Variants in SMG5 observed in about 807,000 individuals in gnomAD.
The protein encoded by SMG5 is nonsense-mediated mRNA decay factor SMG5.
A neutral mutation model predicts 122.9 loss-of-function variants in SMG5; 53 were observed. The ratio of observed to expected loss-of-function variants is 0.43; its 90% confidence interval spans 0.35 to 0.54. The LOEUF (loss-of-function observed/expected upper bound fraction) is 0.54. Among genes scored for constraint, SMG5 ranks in the 20% least tolerant of loss-of-function variants. The pLI is 0.01. For missense variants in SMG5, 1,153 were observed against 1,285.6 expected, an observed-to-expected ratio of 0.90 and a Z score of 1.58; for synonymous variants, 477 against 490.2, an observed-to-expected ratio of 0.97 and a Z score of 0.35.
upstream of SMG5, chr1:156,284,235 G>C (rs1297902280): frequency 6.6e-6 from 1 of 152,218 alleles, no homozygotes; most frequent in South Asian, 2.1e-4. Context: ...TCAGCAGGGC[G>C]GGGCCTGCCC....
chr1:156,273,538 G>GT, intron 5 of SMG5, 88 bp from the exon 6 acceptor site: 1 of 1,261,662 alleles, frequency 7.9e-7, no homozygotes, highest in Non-Finnish European at 1.1e-6. Flanking sequence ...TCTGAGAGTG[G>GT]TAACAAGAGC....
rs1414547813 is a variant in SMG5, at chr1:156,277,259, G to T, written c.298-18C>A. On this transcript the variant is annotated intron_variant, in intron 3 of 21. Coordinates refer to ENST00000361813, the MANE Select transcript of SMG5 (RefSeq NM_015327.3). Reference sequence around the variant, plus strand: ...TGGATGTGCTACAGATTGCGAAAGGGAAGGGGCTGGTTAAGCAATAAACTC... The same window carrying T: ...TGGATGTGCTACAGATTGCGAAAGGTAAGGGGCTGGTTAAGCAATAAACTC... The T allele has an allele frequency of 1.2e-6, 2 of 1,609,732 alleles. No homozygotes were observed. Among genetic ancestry groups the T allele is most frequent in the Non-Finnish European group, 1.7e-6 (2 of 1,178,424 alleles).
In SMG5 at chr1:156,263,579, T is replaced by G. The variant is rs1572581963; in HGVS notation, c.1856-9A>C. 6.2e-7 allele frequency: 1 copy of G among 1,609,728 alleles called. No individual in the cohort carries two copies. Among genetic ancestry groups the G allele is most frequent in the Non-Finnish European group, 8.5e-7 (1 of 1,177,482 alleles). On this transcript the variant is annotated splice_polypyrimidine_tract_variant and intron_variant, in intron 12 of 21. Transcript: ENST00000361813. ...AGAGCCCTCCTCAGAGGCTGGGGGG[T>G]GGGTGAATGGAAGAGAAAAAAACTG...
chr1:156,274,741 T>C, intron 4 of SMG5, 55 bp from the exon 5 acceptor site: 1 of 1,403,492 alleles, frequency 7.1e-7, no homozygotes, highest in Non-Finnish European at 1.0e-6. Flanking sequence ...TTCCCGCACC[T>C]ATGAAGAAAT....
chr1:156,289,337 G>C, the SMG5 span, among the ~76,000 whole-genome samples: 2 of 152,168 alleles, frequency 1.3e-5, no homozygotes, highest in African/African-American at 2.4e-5. Context: ...AGCCGGGTGT[G>C]GTGATGGGCG....
At chr1:156,255,165 T>C (rs1478194490) in intron 16 of SMG5, among the ~76,000 whole-genome samples, 1 of 151,574 alleles carries the variant, frequency 6.6e-6, no homozygotes, top group Admixed American at 6.6e-5. Flanking sequence ...TTCACGCCTG[T>C]AATCCCAGCA....
chr1:156,254,793 T>TA (rs1219872007), intron 16 of SMG5, among the ~76,000 whole-genome samples: 1 of 152,034 alleles, frequency 6.6e-6, no homozygotes, highest in Non-Finnish European at 1.5e-5. Context: ...AGTGGTGCTT[T>TA]AAAATATTAA....
At chr1:156,252,576 A>C (rs1661399207) in intron 18 of SMG5, 72 bp from the exon 19 acceptor site, 1 of 1,479,774 alleles carries the variant, frequency 6.8e-7, no homozygotes, top group African/African-American at 1.4e-5. Flanking sequence ...TGGAGGAAGT[A>C]TCTGAGCTCA....
chr1:156,258,929 G>A, intron 16 of SMG5, 76 bp downstream of exon 16: 5 of 1,572,538 alleles, frequency 3.2e-6, no homozygotes, highest in Non-Finnish European at 4.3e-6. Flanking sequence ...CCACCAGAGG[G>A]TCTGAGCCTC....
chr1:156,280,832 A>C (rs1662902623), intron 1 of SMG5, among the ~76,000 whole-genome samples: 2 of 152,202 alleles, frequency 1.3e-5, no homozygotes, highest in South Asian at 4.1e-4. Flanking sequence ...TACAAAATCT[A>C]GCCGTGTGTT....
chr1:156,265,966 C>T lies in SMG5; in HGVS notation c.1670G>A (p.Gly557Asp), dbSNP rs1220797165. ...EAPDSLNGPL[G>D]PSEASIASNL... ...GCTGGCAATGCTAGCCTCACTGGGGCCCAGTGGGCCATTGAGGGAATCGGG... is the reference window on the plus strand; with the variant it reads ...GCTGGCAATGCTAGCCTCACTGGGGTCCAGTGGGCCATTGAGGGAATCGGG... The change falls in exon 12 of 22, where the codon GGC becomes GAC. Residue 557 changes from glycine (G) to aspartate (D), a missense_variant. By Grantham distance (94) the Gly-to-Asp change is moderately conservative. This residue lies in a region of SMG5 where 631 missense variants were observed against 650.6 expected (regional missense o/e 0.97). Transcript: ENST00000361813. 1.2e-6 allele frequency: 2 copies of T among 1,614,176 alleles called. No individual in the cohort carries two copies. The highest frequency in any genetic ancestry group is 1.7e-5 in the Admixed American group (1 of 60,022).
intron 4 of SMG5, among the ~76,000 whole-genome samples, chr1:156,276,217 GCCGGGTTC>G: frequency 6.7e-6 from 1 of 149,164 alleles, no homozygotes; most frequent in South Asian, 2.1e-4. Context: ...ACCTCCACCT[GCCGGGTTC>G]AGGCGATTCT....
At chr1:156,289,845 A>T in the SMG5 span, among the ~76,000 whole-genome samples, 1 of 152,192 alleles carries the variant, frequency 6.6e-6, no homozygotes, top group Non-Finnish European at 1.5e-5. Flanking sequence ...TATTGAACAT[A>T]TCTTCCACGA....
chr1:156,266,549 T>C lies in SMG5; in HGVS notation c.1247A>G (p.Asp416Gly). The change falls in exon 11 of 22, where the codon GAT (aspartate) becomes GGT (glycine). Residue 416 changes from aspartate to glycine, a missense_variant. By Grantham distance (94) the Asp-to-Gly change is moderately conservative. Around this residue, in one of 5 missense-constraint regions of SMG5, gnomAD observed 631 missense variants for 650.6 expected, o/e 0.97. Coordinates refer to ENST00000361813, the MANE Select transcript of SMG5 (RefSeq NM_015327.3). ...CTCCCCGATTCTCCCACCTGTGCCATCACTCTGGAATGCCGGGACGGGATT... is the reference window on the plus strand; with the variant it reads ...CTCCCCGATTCTCCCACCTGTGCCACCACTCTGGAATGCCGGGACGGGATT... ...GENPVPAFQS[D>G]GTDEPESKEP... 1 of 1,614,138 alleles carries C rather than the reference T, an allele frequency of 6.2e-7. No homozygotes were observed. The highest frequency in any genetic ancestry group is 8.5e-7 in the Non-Finnish European group (1 of 1,180,038).
rs1558246982 is a variant in SMG5 at position 156,279,027 on chromosome 1, C to A, written c.82G>T (p.Val28Leu). 2.5e-6 allele frequency: 4 copies of A among 1,613,948 alleles called. No homozygotes were observed. The highest frequency in any genetic ancestry group is 3.4e-6 in the Non-Finnish European group (4 of 1,179,958). Reference protein sequence around the residue: ...LHTKRLYRAVVEAVHRLDLIL... With the variant: ...LHTKRLYRAVLEAVHRLDLIL... ...AGGTCAAGTCGATGCACAGCCTCCA[C>A]CACAGCCCTGTAGGGAAATACAGGC... The change falls in exon 2 of 22, where the codon GTG becomes TTG. Residue 28 changes from valine (V) to leucine (L), a missense_variant. Coordinates refer to ENST00000361813, the MANE Select transcript of SMG5 (RefSeq NM_015327.3).
upstream of SMG5, chr1:156,285,794 G>C (rs370647770): frequency 3.1e-6 from 5 of 1,613,594 alleles, no homozygotes; most frequent in South Asian, 3.3e-5. Context: ...TGGGGGCTGC[G>C]GGAGCTGTGG....
intron 7 of SMG5, among the ~76,000 whole-genome samples, chr1:156,270,544 T>G (rs1343392577): frequency 6.6e-6 from 1 of 152,154 alleles, no homozygotes; most frequent in Non-Finnish European, 1.5e-5. Flanking sequence ...CCATAAACCA[T>G]GAGAGAGAAT....
At chr1:156,252,872 A>C in intron 18 of SMG5, 47 bp downstream of exon 18, 1 of 1,476,248 alleles carries the variant, frequency 6.8e-7, no homozygotes, top group East Asian at 2.4e-5. Flanking sequence ...CAAGCCCAGA[A>C]TCTCTTTTAG....
In SMG5 at chr1:156,266,526, C is replaced by A; in HGVS notation, c.1255+15G>T. On this transcript the variant is annotated intron_variant, in intron 11 of 21. Coordinates refer to ENST00000361813, the MANE Select transcript of SMG5 (RefSeq NM_015327.3). ...ACCAACCTTTCCATAGTGATGACCT[C>A]CCCGATTCTCCCACCTGTGCCATCA... The A allele has an allele frequency of 6.2e-7, 1 of 1,614,136 alleles. No homozygotes were observed. The highest frequency in any genetic ancestry group is 8.5e-7 in the Non-Finnish European group (1 of 1,180,026).
Sources: gnomAD v4.1 joint callset for allele counts (sites outside exome capture counted in the v4.1 genomes callset) on GRCh38, gnomAD v4.1.1 for gene constraint, gnomAD v4.1.1 regional missense constraint, MANE v1.5 for transcripts, NCBI Gene and HGNC (gene_info 2026-07-23, HGNC 2026-07-21) for gene names.